CEP85L: variants seen among roughly 807,000 people sequenced by gnomAD.
The protein encoded by CEP85L is centrosomal protein of 85 kDa-like.
A neutral mutation model predicts 100.3 loss-of-function variants in CEP85L; 60 were observed. That is an observed-to-expected ratio of 0.60 (90% CI 0.49 to 0.74). CEP85L has a LOEUF of 0.74. CEP85L is among the 30% of genes least tolerant of loss of function. The probability of loss-of-function intolerance (pLI) is 0.00; values close to 1 mark genes in which losing one functional copy is unlikely to be tolerated. For missense variants in CEP85L, 973 were observed against 936.2 expected (o/e 1.04, Z -0.51); for synonymous variants, 319 against 322.7 (o/e 0.99, Z 0.12).
chr6:118,483,776 C>A lies in CEP85L; in HGVS notation c.1520G>T (p.Arg507Ile). Reference sequence around the variant, plus strand: ...CAGATACTTTTCCAAGGTCTCAATTCTTCTCTGCTTTTCTTTGTTTTGTTC... The same window carrying A: ...CAGATACTTTTCCAAGGTCTCAATTATTCTCTGCTTTTCTTTGTTTTGTTC... ...ESEQNKEKQRRIETLEKYLAD... is the reference protein window; with the variant it reads ...ESEQNKEKQRIIETLEKYLAD... Residue 507 changes from arginine (R) to isoleucine (I), a missense_variant, in exon 7 of 13, where the codon AGA becomes ATA. Physicochemically the swap from Arg to Ile is moderately conservative, Grantham distance 97. This residue lies in a region of CEP85L where 890 missense variants were observed against 844.5 expected (regional missense o/e 1.05). Coordinates refer to ENST00000368491, the MANE Select transcript of CEP85L (RefSeq NM_001042475.3). 6.2e-7 allele frequency: 1 copy of A among 1,613,820 alleles called. No individual in the cohort carries two copies. The highest frequency in any genetic ancestry group is 8.5e-7 in the Non-Finnish European group (1 of 1,179,818).
intron 3 of CEP85L, among the ~76,000 whole-genome samples, chr6:118,532,033 C>T (rs755317483): frequency 2.6e-5 from 4 of 152,154 alleles, no homozygotes; most frequent in Admixed American, 6.5e-5. Context: ...ATCATTCTAC[C>T]GGAGACACAT....
chr6:118,630,210 AT>A (rs1185046469), intron 2 of CEP85L, among the ~76,000 whole-genome samples: 1 of 152,206 alleles, frequency 6.6e-6, no homozygotes, highest in African/African-American at 2.4e-5. Flanking sequence ...CTTCATGAAT[AT>A]TCATGGTTCC....
chr6:118,632,426 A>G lies in CEP85L; in HGVS notation c.232+27T>C, dbSNP rs189229444. 313 of 1,561,190 alleles carry G rather than the reference A, an allele frequency of 2.0e-4. 1 individual carries two copies. The African/African-American group carries it at 3.9e-3, about 20-fold the overall frequency. On this transcript the variant is annotated intron_variant, in intron 2 of 12. Coordinates refer to ENST00000368491, the MANE Select transcript of CEP85L (RefSeq NM_001042475.3). ...CCACAACCACTCTTCAAAGATTCAT[A>G]TATAAACAATAAGAATTTTAGCTCA...
chr6:118,623,617 A>T (rs1350559725), intron 2 of CEP85L, among the ~76,000 whole-genome samples: 3 of 152,046 alleles, frequency 2.0e-5, no homozygotes, highest in African/African-American at 7.2e-5. Context: ...TCCCATGGCC[A>T]CTCTCTTGCC....
In CEP85L at chr6:118,623,677, C is replaced by A. The variant is rs372583362; in HGVS notation, c.232+8776G>T. On this transcript the variant is annotated intron_variant, in intron 2 of 12. Transcript: ENST00000368491. ...TTCCCCTGGAAATTTGATCCAAAAT[C>A]AAAGGGGGCTCAGTCCATATGAAAT... 3.9e-5 allele frequency among the ~76,000 whole-genome samples: 6 copies of A among 152,270 alleles called. No individual in the cohort carries two copies. In the East Asian group the frequency reaches 7.7e-4, roughly 20 times the overall value.
intron 2 of CEP85L, among the ~76,000 whole-genome samples, chr6:118,587,222 T>C (rs142250088): frequency 7.9e-4 from 121 of 152,276 alleles, no homozygotes; most frequent in African/African-American, 2.7e-3. Flanking sequence ...TTATCAGGCA[T>C]AAATGGGACA....
At chr6:118,475,648 C>T (rs183519448) in intron 10 of CEP85L, among the ~76,000 whole-genome samples, 138 of 152,188 alleles carry the variant, frequency 9.1e-4, no homozygotes, top group Non-Finnish European at 1.2e-3. Flanking sequence ...GCCACCACGC[C>T]CGGTGACTTA....
intron 2 of CEP85L, among the ~76,000 whole-genome samples, chr6:118,577,780 A>C (rs1352558376): frequency 1.3e-5 from 2 of 152,196 alleles, no homozygotes; most frequent in Non-Finnish European, 2.9e-5. Context: ...TCTAAAATAG[A>C]ATTCTAGAAT....
At chr6:118,503,825 A>T (rs1023259104) in intron 5 of CEP85L, among the ~76,000 whole-genome samples, 7 of 74,030 alleles carry the variant, frequency 9.5e-5, no homozygotes, top group Admixed American at 1.7e-4. Flanking sequence ...CAAAACTATA[A>T]AACTCCAAAA....
intron 5 of CEP85L, among the ~76,000 whole-genome samples, chr6:118,509,168 C>T (rs553200103): frequency 1.3e-5 from 2 of 152,096 alleles, no homozygotes; most frequent in South Asian, 2.1e-4. Context: ...TTTATTTGTC[C>T]TTGCACGCTG....
At chr6:118,614,406 A>G (rs1772874193) in intron 2 of CEP85L, among the ~76,000 whole-genome samples, 1 of 152,246 alleles carries the variant, frequency 6.6e-6, no homozygotes, top group African/African-American at 2.4e-5. Flanking sequence ...AAGAAAACAA[A>G]AGGCACACAA....
intron 10 of CEP85L, among the ~76,000 whole-genome samples, chr6:118,475,455 G>A (rs1018265521): frequency 1.3e-5 from 2 of 148,508 alleles, no homozygotes; most frequent in Admixed American, 1.4e-4. Flanking sequence ...CTGGGTTCAT[G>A]CCATTCTCCT....
In CEP85L at chr6:118,469,152, TCAAA is replaced by T; in HGVS notation, c.2170_2173del (p.Phe724ThrfsTer2). ...AAGAATACTACACAATGCTTTCAAG[TCAAA>T]CAAACAACAGGACATTTCCTTGAAC... is the stretch of plus-strand genomic sequence containing the variant. On this transcript the variant is annotated frameshift_variant, in exon 12 of 13. Coordinates refer to ENST00000368491, the MANE Select transcript of CEP85L (RefSeq NM_001042475.3). LOFTEE classifies it high-confidence loss of function. 1.2e-6 allele frequency: 2 copies of T among 1,614,024 alleles called. No individual in the cohort carries two copies. Among genetic ancestry groups the T allele is most frequent in the Non-Finnish European group, 8.5e-7 (1 of 1,179,942 alleles).
intron 2 of CEP85L, among the ~76,000 whole-genome samples, chr6:118,621,353 T>G (rs1773431023): frequency 6.6e-6 from 1 of 152,224 alleles, no homozygotes; most frequent in African/African-American, 2.4e-5. Context: ...TTCACTGTTC[T>G]GGACCTCAAG....
chr6:118,557,678 C>T (rs1445064950), intron 3 of CEP85L, among the ~76,000 whole-genome samples: 1 of 151,940 alleles, frequency 6.6e-6, no homozygotes, highest in Non-Finnish European at 1.5e-5. Flanking sequence ...CCACCAGCAC[C>T]CCAAACCAGA....
chr6:118,644,048 T>A (rs1225275841), intron 1 of CEP85L, among the ~76,000 whole-genome samples: 2 of 152,250 alleles, frequency 1.3e-5, no homozygotes, highest in Non-Finnish European at 2.9e-5. Flanking sequence ...ATTAAGCACT[T>A]ATGTATCAAT....
At position 118,491,747 on chromosome 6, in the gene CEP85L, T is replaced by G. The variant is rs980315597; in HGVS notation, c.1376A>C (p.Asn459Thr). ...GCTTAGTCTTTGTTTGAGAAACTCA[T>G]TAAGCTGTAAAACTTCTTTCTCAGT... ...ASTEKEVLQL[N>T]EFLKQRLSLF... Residue 459 changes from asparagine to threonine, a missense_variant, in exon 6 of 13, where the codon AAT (asparagine) becomes ACT (threonine). Asn to Thr is a moderately conservative substitution (Grantham distance 65). Around this residue, in one of 3 missense-constraint regions of CEP85L, gnomAD observed 890 missense variants for 844.5 expected, o/e 1.05. Coordinates refer to ENST00000368491, the MANE Select transcript of CEP85L (RefSeq NM_001042475.3). 1.2e-6 allele frequency: 2 copies of G among 1,613,372 alleles called. No individual in the cohort carries two copies. Among genetic ancestry groups the G allele is most frequent in the Non-Finnish European group, 1.7e-6 (2 of 1,179,646 alleles).
rs144277863 is a variant in CEP85L at position 118,476,437 on chromosome 6, A to C, written c.1914+3434T>G. Among the ~76,000 whole-genome samples, 568 of 152,330 alleles carry C rather than the reference A, an allele frequency of 3.7e-3. 2 individuals are homozygous for C. The highest frequency in any genetic ancestry group is 6.6e-3 in the Non-Finnish European group (452 of 68,016). On this transcript the variant is annotated intron_variant, in intron 10 of 12. Coordinates refer to ENST00000368491, the MANE Select transcript of CEP85L (RefSeq NM_001042475.3). Reference sequence around the variant, plus strand: ...GTTTTCAAAATTAAACTTGAGAAAAAGAACTTTATTTCAAGACATAACACA... The same window carrying C: ...GTTTTCAAAATTAAACTTGAGAAAACGAACTTTATTTCAAGACATAACACA...
Position 118,552,347 on chromosome 6 carries a change from G to T in CEP85L, c.1020+13182C>A, listed in dbSNP as rs141386776. 2.7e-3 allele frequency among the ~76,000 whole-genome samples: 412 copies of T among 152,128 alleles called. 2 individuals carry two copies. Among genetic ancestry groups the T allele is most frequent in the African/African-American group, 9.4e-3 (391 of 41,556 alleles). Reference sequence around the variant, plus strand: ...AGTGAACATACTTAAAGTATAGATGGAGATTAATGCTCAGCATATACAACA... The same window carrying T: ...AGTGAACATACTTAAAGTATAGATGTAGATTAATGCTCAGCATATACAACA... On this transcript the variant is annotated intron_variant, in intron 3 of 12. Transcript: ENST00000368491.
Sources: allele counts gnomAD v4.1 joint callset (sites outside exome capture counted in the v4.1 genomes callset), GRCh38; gene constraint gnomAD v4.1.1; regional missense constraint gnomAD v4.1.1; transcripts MANE v1.5; gene names NCBI Gene and HGNC (gene_info 2026-07-23, HGNC 2026-07-21).